Variants in CEP63 observed in about 807,000 individuals in gnomAD.
The protein encoded by CEP63 is centrosomal protein 63.
In CEP63, 84 loss-of-function variants were observed where a neutral mutation model predicts 89.1. The observed-to-expected ratio is 0.94, with a 90% confidence interval of 0.79 to 1.13. The LOEUF is 1.13. Ranked by LOEUF, CEP63 falls within the 50% of genes most tolerant of loss-of-function variation. The probability of loss-of-function intolerance (pLI) is 0.00; values close to 1 mark genes in which losing one functional copy is unlikely to be tolerated. For missense variants in CEP63, 838 were observed against 813.3 expected (o/e 1.03, Z -0.37); for synonymous variants, 267 against 272.5 (o/e 0.98, Z 0.20).
the CEP63 span, among the ~76,000 whole-genome samples, chr3:134,777,175 A>G: frequency 6.6e-6 from 1 of 152,230 alleles, no homozygotes; most frequent in Non-Finnish European, 1.5e-5. Flanking sequence ...ACCTCTTTGA[A>G]AAGCACTTCT....
At chr3:134,755,720 A>G in the CEP63 span, 1 of 152,204 alleles carries the variant, frequency 6.6e-6, no homozygotes, top group Non-Finnish European at 1.5e-5. Flanking sequence ...TCCCCTGCGT[A>G]GCCTGGATAC....
the CEP63 span, among the ~76,000 whole-genome samples, chr3:134,643,825 GCTT>G: frequency 2.5e-5 from 3 of 121,916 alleles, no homozygotes; most frequent in South Asian, 6.9e-4. Flanking sequence ...TGAGTCTCCT[GCTT>G]CTTTTTTTTT....
At chr3:134,612,137 C>T in the CEP63 span, among the ~76,000 whole-genome samples, 856 of 152,264 alleles carry the variant, frequency 5.6e-3, 5 homozygotes, top group African/African-American at 0.02. Context: ...AGTTTTCTAG[C>T]CCCCGCCCTT....
chr3:134,622,226 A>G, the CEP63 span, among the ~76,000 whole-genome samples: 1 of 152,230 alleles, frequency 6.6e-6, no homozygotes, highest in African/African-American at 2.4e-5. Flanking sequence ...CAACCAAAAA[A>G]ACCGAAGGCA....
the CEP63 span, chr3:134,780,014 T>A: frequency 6.6e-6 from 1 of 152,216 alleles, no homozygotes; most frequent in Non-Finnish European, 1.5e-5. Context: ...CCAAAACCTT[T>A]GAAGCAATTT....
In CEP63 at chr3:134,581,307, G is replaced by A. The variant is rs1958340524; in HGVS notation, c.1207-6151G>A. On this transcript the variant is annotated intron_variant, in intron 10 of 10. Transcript: ENST00000683931. ...AAATAAAAAATTATATGGGCCAGAC[G>A]CGGTGGCTCACACCTGTAATCCAAG... Among the ~76,000 whole-genome samples the A allele has an allele frequency of 2.6e-5, 4 of 152,144 alleles. No homozygotes were observed. In the South Asian group the frequency reaches 6.2e-4, roughly 24 times the overall value.
the CEP63 span, among the ~76,000 whole-genome samples, chr3:134,665,702 C>CACACACAGAG: frequency 2.0e-5 from 2 of 102,320 alleles, no homozygotes; most frequent in African/African-American, 4.0e-5. Flanking sequence ...CACACACACA[C>CACACACAGAG]AGAGAGAGAG....
downstream of CEP63, among the ~76,000 whole-genome samples, chr3:134,565,468 TATAAA>T (rs750966499): frequency 6.6e-6 from 1 of 152,166 alleles, no homozygotes; most frequent in African/African-American, 2.4e-5. Context: ...GAAAGATAAT[TATAAA>T]ATAAGCTCTA....
chr3:134,688,199 T>C, the CEP63 span, among the ~76,000 whole-genome samples: 1 of 152,208 alleles, frequency 6.6e-6, no homozygotes, highest in African/African-American at 2.4e-5. Flanking sequence ...AAACAAAATG[T>C]GGTATATCCA....
the CEP63 span, among the ~76,000 whole-genome samples, chr3:134,600,154 T>C: frequency 6.6e-6 from 1 of 152,222 alleles, no homozygotes; most frequent in African/African-American, 2.4e-5. Context: ...TAGCAAATGA[T>C]GTAGTGATGC....
chr3:134,643,229 C>T, the CEP63 span: 2 of 1,307,386 alleles, frequency 1.5e-6, no homozygotes, highest in Non-Finnish European at 2.2e-6. Context: ...ATAGTCTGAG[C>T]TCCACATCCT....
At chr3:134,656,454 C>A in the CEP63 span, among the ~76,000 whole-genome samples, 1 of 152,124 alleles carries the variant, frequency 6.6e-6, no homozygotes, top group Non-Finnish European at 1.5e-5. Flanking sequence ...ATCTGAGTGG[C>A]GATGCTGATC....
the CEP63 span, among the ~76,000 whole-genome samples, chr3:134,721,347 C>T: frequency 6.6e-6 from 1 of 152,010 alleles, no homozygotes; most frequent in Non-Finnish European, 1.5e-5. Flanking sequence ...TTGCTGAACT[C>T]GTTTATTAGT....
chr3:134,558,117 T>C (rs1353617154), intron 12 of CEP63, 25 bp from the exon 13 acceptor site: 28 of 1,571,076 alleles, frequency 1.8e-5, no homozygotes, highest in Middle Eastern at 1.9e-4. Flanking sequence ...ACAGATTAAG[T>C]GACTCTAGTA....
the CEP63 span, chr3:134,603,315 A>G: frequency 2.2e-5 from 8 of 365,030 alleles, no homozygotes; most frequent in African/African-American, 1.7e-4. Context: ...GCAGGTGTAC[A>G]GTTTACAATA....
the CEP63 span, among the ~76,000 whole-genome samples, chr3:134,667,171 A>C: frequency 6.6e-6 from 1 of 152,176 alleles, no homozygotes; most frequent in African/African-American, 2.4e-5. Context: ...CCGCTGGCCC[A>C]GACCTCGGCA....
chr3:134,576,919 A>G (rs1452740848), downstream of CEP63, among the ~76,000 whole-genome samples: 1 of 152,156 alleles, frequency 6.6e-6, no homozygotes, highest in Non-Finnish European at 1.5e-5. Flanking sequence ...TTTTAATGCC[A>G]TTTTCCTGGT....
intron 10 of CEP63, among the ~76,000 whole-genome samples, chr3:134,580,413 C>G (rs1041213952): frequency 1.3e-5 from 2 of 152,102 alleles, no homozygotes; most frequent in African/African-American, 2.4e-5. Flanking sequence ...AAAATGTGCA[C>G]TTATACAGAG....
At chr3:134,728,219 G>A in the CEP63 span, among the ~76,000 whole-genome samples, 7 of 152,158 alleles carry the variant, frequency 4.6e-5, no homozygotes, top group East Asian at 9.6e-4. Context: ...ATTTCAGTGA[G>A]CGTCAGTGCC....
Sources: allele counts gnomAD v4.1 joint callset (sites outside exome capture counted in the v4.1 genomes callset), GRCh38; gene constraint gnomAD v4.1.1; transcripts MANE v1.5; gene names NCBI Gene and HGNC (gene_info 2026-07-23, HGNC 2026-07-21).